The following SIPA1L1 variants were observed in gnomAD, a reference collection of about 807,000 sequenced individuals.
The protein encoded by SIPA1L1 is signal-induced proliferation-associated 1-like protein 1.
In SIPA1L1, 26 loss-of-function variants were observed where a neutral mutation model predicts 162.7. That is an observed-to-expected ratio of 0.16 (90% CI 0.12 to 0.22). The LOEUF is 0.22. Ranked by LOEUF, SIPA1L1 falls within the 10% of genes least tolerant of loss-of-function variation. SIPA1L1 has a pLI of 1.00. For missense variants in SIPA1L1, 1,874 were observed against 2,241.0 expected (o/e 0.84, Z 3.31); for synonymous variants, 829 against 837.4 (o/e 0.99, Z 0.17).
chr14:71,639,242 G>A (rs565508169), intron 7 of SIPA1L1, among the ~76,000 whole-genome samples: 21 of 152,172 alleles, frequency 1.4e-4, no homozygotes, highest in African/African-American at 4.6e-4. Flanking sequence ...TCCTGTTTCT[G>A]CAAAAAAATT....
At chr14:71,387,307 A>G (rs372102539) in intron 2 of SIPA1L1, among the ~76,000 whole-genome samples, 3 of 151,630 alleles carry the variant, frequency 2.0e-5, no homozygotes, top group East Asian at 1.9e-4. Flanking sequence ...TTAATACAGA[A>G]CTATTTAAAA....
At chr14:71,672,193 A>T (rs1012396924) in intron 11 of SIPA1L1, among the ~76,000 whole-genome samples, 155 bp from the exon 12 acceptor site, 2 of 152,148 alleles carry the variant, frequency 1.3e-5, no homozygotes, top group African/African-American at 4.8e-5. Flanking sequence ...TGGCCTAATG[A>T]ATAGGAGATT....
chr14:71,672,447 G>A lies in SIPA1L1; in HGVS notation c.2929G>A (p.Val977Met). The A allele has an allele frequency of 6.2e-7, 1 of 1,614,252 alleles. No homozygotes were observed. Among genetic ancestry groups the A allele is most frequent in the Non-Finnish European group, 8.5e-7 (1 of 1,180,036 alleles). The change falls in exon 12 of 24, where the codon GTG (valine) becomes ATG (methionine). Residue 977 changes from valine (V) to methionine (M), a missense_variant. Coordinates refer to ENST00000381232, the MANE Select transcript of SIPA1L1 (RefSeq NM_001386936.1). ...CAACTATGAGGGCATTGTGGCGGATGTGGAGCCCTACGGTTATGCCTGGCA... is the reference window on the plus strand; with the variant it reads ...CAACTATGAGGGCATTGTGGCGGATATGGAGCCCTACGGTTATGCCTGGCA... ...HVNYEGIVADVEPYGYAWQAG... is the reference protein window; with the variant it reads ...HVNYEGIVADMEPYGYAWQAG...
intron 2 of SIPA1L1, among the ~76,000 whole-genome samples, chr14:71,383,823 T>A (rs915510724): frequency 6.6e-6 from 1 of 152,112 alleles, no homozygotes; most frequent in African/African-American, 2.4e-5. Flanking sequence ...ATCTAGTACC[T>A]CCCAGCAGGC....
intron 2 of SIPA1L1, among the ~76,000 whole-genome samples, chr14:71,407,587 G>A (rs1305769423): frequency 6.6e-6 from 1 of 150,680 alleles, no homozygotes; most frequent in East Asian, 2.0e-4. Flanking sequence ...GCTGACTGAA[G>A]CCTGGAACAC....
At position 71,739,252 on chromosome 14, in the gene SIPA1L1, A is replaced by G. The variant is rs186726855; in HGVS notation, c.*91A>G. On this transcript the variant is annotated 3_prime_UTR_variant, in exon 24 of 24. Transcript: ENST00000381232. ...TTCCCTCCATAGAAAGCATCCTCAG[A>G]GCACCTTCCCTGGCTTCCTACTCTG... 565 of 1,314,494 alleles carry G rather than the reference A, an allele frequency of 4.3e-4. 1 individual carries two copies. In the African/African-American group the frequency reaches 7.4e-3, roughly 17 times the overall value. The allele number at this position is 1,314,494 out of a possible 1,614,324, so 81.4% of individuals were successfully genotyped here.
intron 17 of SIPA1L1, among the ~76,000 whole-genome samples, chr14:71,716,722 G>A (rs1359625469): frequency 3.3e-5 from 5 of 152,170 alleles, no homozygotes; most frequent in African/African-American, 7.2e-5. Context: ...AGCAGCACCC[G>A]CTGAGAGTAG....
chr14:71,617,925 A>G (rs924673467), intron 5 of SIPA1L1, among the ~76,000 whole-genome samples: 1 of 152,224 alleles, frequency 6.6e-6, no homozygotes, highest in African/African-American at 2.4e-5. Context: ...GTATGTATCA[A>G]CAGTTTAAAT....
intron 2 of SIPA1L1, among the ~76,000 whole-genome samples, chr14:71,410,491 A>G (rs183826663): frequency 2.6e-5 from 4 of 152,300 alleles, no homozygotes; most frequent in Non-Finnish European, 1.5e-5. Context: ...AGTTTTCCTT[A>G]TCCAAAATGC....
intron 20 of SIPA1L1, among the ~76,000 whole-genome samples, chr14:71,733,013 C>T (rs2084943922): frequency 6.6e-6 from 1 of 152,198 alleles, no homozygotes; most frequent in South Asian, 2.1e-4. Flanking sequence ...GAGTTCAAGA[C>T]CAGCCTGGCC....
intron 2 of SIPA1L1, chr14:71,398,478 A>G (rs949383495): frequency 6.6e-5 from 10 of 152,232 alleles, no homozygotes; most frequent in Middle Eastern, 3.2e-3. Flanking sequence ...TAGAACTACA[A>G]GTCCTCCAAG....
chr14:71,564,950 A>G (rs2030074202), intron 4 of SIPA1L1, among the ~76,000 whole-genome samples: 1 of 152,104 alleles, frequency 6.6e-6, no homozygotes, highest in Non-Finnish European at 1.5e-5. Context: ...TTTTCTCTTC[A>G]TCCAGTGAAC....
rs147187437 is a variant in SIPA1L1 at position 71,591,718 on chromosome 14, A to G, written c.1498+2348A>G. On this transcript the variant is annotated intron_variant, in intron 5 of 23. Coordinates refer to ENST00000381232, the MANE Select transcript of SIPA1L1 (RefSeq NM_001386936.1). ...GTGAGACCAAGGGCTTTTCTTTGAC[A>G]ATGATTCTACTCTTTTAAATTCTTA... 1.3e-3 allele frequency among the ~76,000 whole-genome samples: 196 copies of G among 152,334 alleles called. 3 individuals are homozygous for G. The highest frequency in any genetic ancestry group is 6.0e-4 in the Non-Finnish European group (41 of 68,026).
At chr14:71,354,818 C>G (rs987768678) in intron 2 of SIPA1L1, among the ~76,000 whole-genome samples, 1 of 152,032 alleles carries the variant, frequency 6.6e-6, no homozygotes, top group Non-Finnish European at 1.5e-5. Context: ...TTGCATATTC[C>G]CTTTCTCCCC....
chr14:71,479,896 C>A (rs1555433852), intron 2 of SIPA1L1, among the ~76,000 whole-genome samples: 1 of 151,090 alleles, frequency 6.6e-6, no homozygotes, highest in Non-Finnish European at 1.5e-5. Flanking sequence ...TGGACTAATT[C>A]TTTTTTTTTA....
At chr14:71,628,726 TG>T (rs1380528964) in intron 7 of SIPA1L1, among the ~76,000 whole-genome samples, 1 of 152,116 alleles carries the variant, frequency 6.6e-6, no homozygotes, top group East Asian at 1.9e-4. Flanking sequence ...TACAAGCCAG[TG>T]GGGACAAGTC....
chr14:71,710,497 A>G (rs894393432), intron 17 of SIPA1L1, among the ~76,000 whole-genome samples: 2 of 152,164 alleles, frequency 1.3e-5, no homozygotes, highest in African/African-American at 2.4e-5. Context: ...TGGGTCTGCT[A>G]TGATTATGAC....
intron 2 of SIPA1L1, among the ~76,000 whole-genome samples, chr14:71,426,932 T>C (rs1011315220): frequency 6.6e-6 from 1 of 152,208 alleles, no homozygotes; most frequent in African/African-American, 2.4e-5. Context: ...TAATAAGAGA[T>C]TAGTGCATTC....
chr14:71,516,670 T>A (rs558837012), intron 3 of SIPA1L1, among the ~76,000 whole-genome samples: 26 of 152,210 alleles, frequency 1.7e-4, no homozygotes, highest in Admixed American at 1.4e-3. Context: ...TTACTTTTTT[T>A]AAAAATGCCT....
Sources: gnomAD v4.1 joint callset for allele counts (sites outside exome capture counted in the v4.1 genomes callset) on GRCh38, gnomAD v4.1.1 for gene constraint, MANE v1.5 for transcripts, NCBI Gene and HGNC (gene_info 2026-07-23, HGNC 2026-07-21) for gene names.